Variants in HYCC2 observed in about 807,000 individuals in gnomAD.
HYCC2 encodes the protein hyccin 2.
the HYCC2 span, among the ~76,000 whole-genome samples, chr2:200,999,335 A>C: frequency 1.3e-5 from 2 of 152,094 alleles, no homozygotes; most frequent in African/African-American, 2.4e-5. Flanking sequence ...TACTAGCTCA[A>C]ATCAGCCATA....
At chr2:201,030,892 T>C in the HYCC2 span, among the ~76,000 whole-genome samples, 3 of 152,158 alleles carry the variant, frequency 2.0e-5, no homozygotes, top group Non-Finnish European at 4.4e-5. Context: ...CTCATCCTTT[T>C]TAACAGCCAT....
At chr2:200,980,261 T>C in the HYCC2 span, 1 of 152,542 alleles carries the variant, frequency 6.6e-6, no homozygotes, top group Non-Finnish European at 1.5e-5. Flanking sequence ...AGAAAGTAGA[T>C]TGAGAAATCC....
chr2:201,018,534 TA>T, the HYCC2 span, among the ~76,000 whole-genome samples: 1 of 152,212 alleles, frequency 6.6e-6, no homozygotes, highest in African/African-American at 2.4e-5. Context: ...CCATGTCAAT[TA>T]TACAGTTAAC....
At chr2:200,997,234 G>A in the HYCC2 span, 71 of 410,766 alleles carry the variant, frequency 1.7e-4, no homozygotes, top group Admixed American at 1.9e-3. Flanking sequence ...CAGCCTAGGC[G>A]ACAGAGAGAA....
the HYCC2 span, among the ~76,000 whole-genome samples, chr2:201,040,822 C>T: frequency 1.7e-4 from 26 of 152,104 alleles, no homozygotes; most frequent in Admixed American, 1.7e-3. Flanking sequence ...TGCAGAAAAA[C>T]CTCACTGTAT....
the HYCC2 span, among the ~76,000 whole-genome samples, chr2:201,038,893 A>C: frequency 6.6e-6 from 1 of 152,150 alleles, no homozygotes; most frequent in Admixed American, 6.5e-5. Context: ...TTAAAGTATA[A>C]TTAAAAAAAA....
At chr2:201,065,391 T>C in the HYCC2 span, among the ~76,000 whole-genome samples, 1 of 152,224 alleles carries the variant, frequency 6.6e-6, no homozygotes, top group Non-Finnish European at 1.5e-5. Context: ...GGAATAAAGA[T>C]GCTATGAGAA....
At chr2:201,029,580 C>T in the HYCC2 span, among the ~76,000 whole-genome samples, 55 of 152,192 alleles carry the variant, frequency 3.6e-4, no homozygotes, top group Admixed American at 2.4e-3. Context: ...ACATATATAC[C>T]ATGGAATACT....
chr2:201,063,589 C>T, the HYCC2 span: 3 of 1,582,238 alleles, frequency 1.9e-6, no homozygotes, highest in Admixed American at 1.7e-5. Context: ...TTCAGAAATA[C>T]CACACTGTGA....
At chr2:200,992,979 C>T in the HYCC2 span, 2 of 1,613,244 alleles carry the variant, frequency 1.2e-6, no homozygotes, top group East Asian at 2.2e-5. Context: ...TTTCATGTTG[C>T]CGTGGAAAGC....
chr2:200,998,807 T>C, the HYCC2 span, among the ~76,000 whole-genome samples: 49,652 of 152,058 alleles, frequency 0.33, 10,954 homozygotes, highest in African/African-American at 0.63. Flanking sequence ...AGATGAATGG[T>C]GAAGGGTTTA....
At chr2:200,981,760 G>A in the HYCC2 span, 3 of 1,614,052 alleles carry the variant, frequency 1.9e-6, no homozygotes, top group Non-Finnish European at 1.7e-6. This position sits in a 1 kb window ranked among gnomAD's most constrained non-coding sequence, Gnocchi z 4.5. Flanking sequence ...CTGAGAAGAG[G>A]AGGATGGTTT....
the HYCC2 span, among the ~76,000 whole-genome samples, chr2:201,003,804 G>GTTTTTTT: frequency 8.6e-6 from 1 of 116,858 alleles, no homozygotes. Context: ...TGTTGTTGTT[G>GTTTTTTT]CTTTTTTTTT....
At chr2:201,008,577 A>T in the HYCC2 span, among the ~76,000 whole-genome samples, 2 of 152,150 alleles carry the variant, frequency 1.3e-5, no homozygotes, top group African/African-American at 4.8e-5. Context: ...CCTAGGCAAC[A>T]TAACTAGACT....
chr2:201,020,093 C>A, the HYCC2 span, among the ~76,000 whole-genome samples: 15 of 151,862 alleles, frequency 9.9e-5, no homozygotes, highest in African/African-American at 2.7e-4. Context: ...CAGAAAAAAA[C>A]AAACAAACAA....
At chr2:201,004,262 G>A in the HYCC2 span, among the ~76,000 whole-genome samples, 3 of 152,196 alleles carry the variant, frequency 2.0e-5, no homozygotes, top group Admixed American at 6.5e-5. Flanking sequence ...TTTGAAGCGT[G>A]CATAAGTAGG....
chr2:200,999,080 C>A, the HYCC2 span, among the ~76,000 whole-genome samples: 42,277 of 151,902 alleles, frequency 0.28, 8,265 homozygotes, highest in African/African-American at 0.55. Flanking sequence ...AATATACCTG[C>A]CTAGATATTG....
the HYCC2 span, among the ~76,000 whole-genome samples, chr2:201,036,248 T>C: frequency 3.3e-5 from 5 of 152,274 alleles, no homozygotes; most frequent in East Asian, 9.7e-4. Context: ...GAGGCAATAA[T>C]TAATAGCTTA....
chr2:200,997,877 A>T, the HYCC2 span, among the ~76,000 whole-genome samples: 1 of 152,310 alleles, frequency 6.6e-6, no homozygotes, highest in South Asian at 2.1e-4. Flanking sequence ...CTCTATTAAA[A>T]ATACAAAAAT....
Sources: allele counts gnomAD v4.1 joint callset (sites outside exome capture counted in the v4.1 genomes callset), GRCh38; gene constraint gnomAD v4.1.1; non-coding constraint Gnocchi (gnomAD v3.1); transcripts MANE v1.5; gene names NCBI Gene and HGNC (gene_info 2026-07-23, HGNC 2026-07-21).